Variants in ANTXR2 observed in about 807,000 individuals in gnomAD.
The protein encoded by ANTXR2 is anthrax toxin receptor 2.
A neutral mutation model predicts 73.7 loss-of-function variants in ANTXR2; 44 were observed. The observed-to-expected ratio is 0.60, with a 90% CI of 0.47 to 0.77. The LOEUF (loss-of-function observed/expected upper bound fraction) is 0.77, where lower values mean the gene tolerates loss of function less well. Ranked by LOEUF, ANTXR2 falls within the 30% of genes least tolerant of loss-of-function variation. The pLI is 0.00. For missense variants in ANTXR2, 604 were observed against 592.5 expected (o/e 1.02, Z -0.20); for synonymous variants, 217 against 205.9 (o/e 1.05, Z -0.46).
chr4:79,936,836 G>T (rs1175947790), intron 16 of ANTXR2, among the ~76,000 whole-genome samples: 6 of 151,668 alleles, frequency 4.0e-5, no homozygotes, highest in Non-Finnish European at 7.4e-5. Flanking sequence ...CTAGTACAAT[G>T]GTACTACACT....
chr4:79,937,517 G>A lies in ANTXR2; in HGVS notation c.1429-30050C>T, dbSNP rs185444108. Among the ~76,000 whole-genome samples, 4 of 152,242 alleles carry A rather than the reference G, an allele frequency of 2.6e-5. No individual in the cohort carries two copies. The East Asian group carries it at 7.7e-4, about 29-fold the overall frequency. On this transcript the variant is annotated intron_variant, in intron 16 of 16. Transcript: ENST00000403729. ...TTTTCCCAACTCTAATTTGCAATTT[G>A]TATCTACCCTGAGAGAGGTACTGTC...
At chr4:79,976,979 A>T (rs1330108890) in intron 16 of ANTXR2, among the ~76,000 whole-genome samples, 1 of 152,260 alleles carries the variant, frequency 6.6e-6, no homozygotes, top group Non-Finnish European at 1.5e-5. Flanking sequence ...GGGAAATAGT[A>T]CTACTATATT....
At chr4:80,031,325 ATTAT>A (rs1732684900) in intron 10 of ANTXR2, among the ~76,000 whole-genome samples, 1 of 151,844 alleles carries the variant, frequency 6.6e-6, no homozygotes, top group Non-Finnish European at 1.5e-5. Context: ...TATGGCTCTG[ATTAT>A]TTATAGATTC....
At chr4:80,034,960 G>A (rs1454637610) in intron 8 of ANTXR2, among the ~76,000 whole-genome samples, 1 of 152,096 alleles carries the variant, frequency 6.6e-6, no homozygotes, top group African/African-American at 2.4e-5. Flanking sequence ...ACAGGAAAGG[G>A]TCAAACAGGG....
chr4:79,977,446 C>T, intron 16 of ANTXR2, 175 bp downstream of exon 16: 1 of 1,274,260 alleles, frequency 7.8e-7, no homozygotes. Flanking sequence ...TTTGAAGATG[C>T]ATTCTAACAA....
At chr4:79,955,593 C>A (rs1728857889) in intron 16 of ANTXR2, among the ~76,000 whole-genome samples, 1 of 152,036 alleles carries the variant, frequency 6.6e-6, no homozygotes. Flanking sequence ...TGGGAATACC[C>A]TTATGAGCAT....
At chr4:79,962,653 A>T (rs1390432179) in intron 16 of ANTXR2, among the ~76,000 whole-genome samples, 1 of 152,214 alleles carries the variant, frequency 6.6e-6, no homozygotes, top group African/African-American at 2.4e-5. Flanking sequence ...AATATATAAA[A>T]GGAAATGAAT....
chr4:79,909,655 AAAAT>A (rs1292534508), intron 16 of ANTXR2, among the ~76,000 whole-genome samples: 1 of 151,750 alleles, frequency 6.6e-6, no homozygotes, highest in Non-Finnish European at 1.5e-5. Flanking sequence ...CAAAAAAAAA[AAAAT>A]AAAGAAAAAC....
At chr4:80,046,319 A>G (rs187819775) in intron 7 of ANTXR2, among the ~76,000 whole-genome samples, 1 of 151,744 alleles carries the variant, frequency 6.6e-6, no homozygotes, top group Non-Finnish European at 1.5e-5. Context: ...CCAAAAATGC[A>G]TAGTTTGTGA....
chr4:80,050,936 A>G (rs893725858), intron 7 of ANTXR2, among the ~76,000 whole-genome samples: 3 of 151,670 alleles, frequency 2.0e-5, no homozygotes, highest in African/African-American at 7.3e-5. Context: ...AAGTATGTGA[A>G]AGTCTCCATA....
chr4:80,022,466 C>G (rs1024426738), intron 10 of ANTXR2, among the ~76,000 whole-genome samples: 1 of 152,172 alleles, frequency 6.6e-6, no homozygotes, highest in Non-Finnish European at 1.5e-5. Context: ...CAAAGCTATG[C>G]TACTCCTTTT....
intron 11 of ANTXR2, among the ~76,000 whole-genome samples, chr4:80,016,726 T>C (rs1731891169): frequency 6.6e-6 from 1 of 152,212 alleles, no homozygotes; most frequent in Non-Finnish European, 1.5e-5. Context: ...AATTCATCCT[T>C]CTATTTGGCA....
chr4:80,002,727 A>T (rs959471006), intron 12 of ANTXR2, among the ~76,000 whole-genome samples: 8 of 152,106 alleles, frequency 5.3e-5, no homozygotes, highest in Non-Finnish European at 1.2e-4. Flanking sequence ...AAAAACCAAC[A>T]ACCCTATCAA....
At position 79,907,073 on chromosome 4, in the gene ANTXR2, C is replaced by T; in HGVS notation, c.*356G>A. On this transcript the variant is annotated 3_prime_UTR_variant, in exon 17 of 17. Transcript: ENST00000403729. Reference sequence around the variant, plus strand: ...CATCATGGCTAGTTGTTTTGTGGTCCTTGTTTTGGTATCATCTTCGTGTTG... The same window carrying T: ...CATCATGGCTAGTTGTTTTGTGGTCTTTGTTTTGGTATCATCTTCGTGTTG... The T allele has an allele frequency of 7.4e-6, 2 of 268,938 alleles. No homozygotes were observed. The highest frequency in any genetic ancestry group is 2.0e-4 in the East Asian group (2 of 9,876). 16.7% of individuals were successfully genotyped at this position (268,938 alleles called of 1,614,324 possible). A position where few individuals can be genotyped will look rare whatever the true frequency, so the allele number is the denominator to read the frequency against.
rs1054911813 is a variant in ANTXR2, at chr4:80,072,296, T to C, written c.152+113A>G. The C allele has an allele frequency of 1.6e-5, 20 of 1,226,364 alleles. No individual in the cohort carries two copies. The South Asian group carries it at 3.6e-4, about 22-fold the overall frequency. 76.0% of individuals were successfully genotyped at this position (1,226,364 alleles called of 1,614,324 possible). A position where few individuals can be genotyped will look rare whatever the true frequency, so the allele number is the denominator to read the frequency against. ...AAAGAAGACAGCAACAGGGCACCCC[T>C]CCGCGGGTTTCCAACACCACTCCCC... On this transcript the variant is annotated intron_variant, in intron 1 of 16. Coordinates refer to ENST00000403729, the MANE Select transcript of ANTXR2 (RefSeq NM_058172.6).
At chr4:79,918,796 A>C (rs1329477814) in intron 16 of ANTXR2, among the ~76,000 whole-genome samples, 1 of 152,098 alleles carries the variant, frequency 6.6e-6, no homozygotes, top group Non-Finnish European at 1.5e-5. Flanking sequence ...AAGTAATATA[A>C]ATAAAGAAAA....
intron 16 of ANTXR2, among the ~76,000 whole-genome samples, chr4:79,910,507 CAAAAAA>C (rs144527286): frequency 5.2e-5 from 5 of 95,652 alleles, no homozygotes; most frequent in Non-Finnish European, 1.0e-4. Context: ...GACTCCGTCT[CAAAAAA>C]AAAAAAAAAG....
chr4:80,042,150 A>G (rs1578179614), intron 7 of ANTXR2, among the ~76,000 whole-genome samples: 1 of 152,006 alleles, frequency 6.6e-6, no homozygotes, highest in Non-Finnish European at 1.5e-5. Flanking sequence ...CATAGTTTTT[A>G]CTTCTCAGCA....
intron 16 of ANTXR2, among the ~76,000 whole-genome samples, chr4:79,915,458 T>C (rs68109261): frequency 0.076 from 11,545 of 152,208 alleles, 512 homozygotes; most frequent in Middle Eastern, 0.14. Flanking sequence ...ATAACTGTTA[T>C]AGTATTATGC....
Sources: allele counts gnomAD v4.1 joint callset (sites outside exome capture counted in the v4.1 genomes callset), GRCh38; gene constraint gnomAD v4.1.1; transcripts MANE v1.5; gene names NCBI Gene and HGNC (gene_info 2026-07-23, HGNC 2026-07-21).